PES1: variants seen among roughly 807,000 people sequenced by gnomAD.
PES1 encodes the protein pescadillo homolog.
A neutral mutation model predicts 77.1 loss-of-function variants in PES1; 31 were observed. The observed-to-expected ratio is 0.40, with a 90% CI of 0.30 to 0.54. The LOEUF (loss-of-function observed/expected upper bound fraction) is 0.54, where lower values mean the gene tolerates loss of function less well. Ranked by LOEUF, PES1 falls within the 20% of genes least tolerant of loss-of-function variation. PES1 has a pLI of 0.45. For synonymous variants in PES1, 282 were observed against 303.0 expected, an observed-to-expected ratio of 0.93 and a Z score of 0.72; for missense variants, 658 against 771.7, an observed-to-expected ratio of 0.85 and a Z score of 1.75.
At chr22:30,582,421 G>C (rs1446040380) in intron 6 of PES1, among the ~76,000 whole-genome samples, 1 of 152,146 alleles carries the variant, frequency 6.6e-6, no homozygotes, top group Non-Finnish European at 1.5e-5. Flanking sequence ...TTTTGCTCAG[G>C]GAAAAGGCAC....
chr22:30,590,098 T>C (rs2087155114), intron 1 of PES1, among the ~76,000 whole-genome samples: 1 of 152,216 alleles, frequency 6.6e-6, no homozygotes, highest in Non-Finnish European at 1.5e-5. Flanking sequence ...TCCTCTATTA[T>C]GGTCAAAGCA....
chr22:30,584,689 C>T lies in PES1; in HGVS notation c.397G>A (p.Asp133Asn). Residue 133 changes from aspartate to asparagine, a missense_variant, in exon 5 of 15, where the codon GAC becomes AAC. Asp to Asn is a conservative substitution (Grantham distance 23). Coordinates refer to ENST00000354694, the MANE Select transcript of PES1 (RefSeq NM_014303.4). ...CACATGGAGAGGGCATCGTCCAGGT[C>T]CCGCAGGGCATCGATGAACGTGGGA... is the stretch of plus-strand genomic sequence containing the variant. ...RYPTFIDALRDLDDALSMCFL... is the reference protein window; with the variant it reads ...RYPTFIDALRNLDDALSMCFL... 6.2e-7 allele frequency: 1 copy of T among 1,613,810 alleles called. No homozygotes were observed. The highest frequency in any genetic ancestry group is 8.5e-7 in the Non-Finnish European group (1 of 1,180,024).
chr22:30,584,623 C>A lies in PES1; in HGVS notation c.463G>T (p.Val155Leu), dbSNP rs142150429. Residue 155 changes from valine to leucine, a missense_variant, in exon 5 of 15, where the codon GTG (valine) becomes TTG (leucine). Val to Leu is a conservative substitution (Grantham distance 32, BLOSUM62 1). Coordinates refer to ENST00000354694, the MANE Select transcript of PES1 (RefSeq NM_014303.4). ...CGGCGGCACAGCTGAATGGTCTGCA[C>A]GTGGCACTTGCCAGTCCGCGGGAAG... ...STFPRTGKCHVQTIQLCRRLT... is the reference protein window; with the variant it reads ...STFPRTGKCHLQTIQLCRRLT... The A allele has an allele frequency of 1.2e-6, 2 of 1,613,830 alleles. No individual in the cohort carries two copies. The highest frequency in any genetic ancestry group is 2.2e-5 in the South Asian group (2 of 91,044).
intron 4 of PES1, among the ~76,000 whole-genome samples, 191 bp from the exon 5 acceptor site, chr22:30,584,908 G>A (rs1329918294): frequency 1.3e-5 from 2 of 152,112 alleles, no homozygotes; most frequent in African/African-American, 4.8e-5. Context: ...ACCAGGATGC[G>A]CCCACTAGGC....
At chr22:30,600,018 G>C (rs914014793) in intron 2 of PES1, among the ~76,000 whole-genome samples, 3 of 151,754 alleles carry the variant, frequency 2.0e-5, no homozygotes, top group Non-Finnish European at 4.4e-5. Flanking sequence ...TTAAATGCCT[G>C]GGTCATTTTC....
chr22:30,589,138 G>GT (rs2087137807), intron 2 of PES1, 53 bp downstream of exon 2: 1 of 1,382,834 alleles, frequency 7.2e-7, no homozygotes, highest in African/African-American at 1.4e-5. Context: ...ATGCAGCTGA[G>GT]TTTTCAATGT....
At chr22:30,584,084 C>T (rs1033922674) in intron 6 of PES1, 38 of 469,368 alleles carry the variant, frequency 8.1e-5, no homozygotes, top group South Asian at 7.9e-4. Context: ...AGGCCAAGCA[C>T]CAGGCACTGT....
intron 1 of PES1, among the ~76,000 whole-genome samples, chr22:30,590,094 A>AT (rs1181482372): frequency 1.3e-5 from 2 of 152,172 alleles, no homozygotes; most frequent in Non-Finnish European, 2.9e-5. Flanking sequence ...CAGGTCCTCT[A>AT]TTATGGTCAA....
Position 30,580,600 on chromosome 22 carries a change from C to T in PES1, c.1014G>A (p.Val338=). 1.2e-6 allele frequency: 2 copies of T among 1,613,836 alleles called. No homozygotes were observed. The highest frequency in any genetic ancestry group is 1.7e-6 in the Non-Finnish European group (2 of 1,180,012). The change falls in exon 10 of 15, where the codon GTG becomes GTA. Residue 338 remains valine, a synonymous_variant. Coordinates refer to ENST00000354694, the MANE Select transcript of PES1 (RefSeq NM_014303.4). ...EGLKFFLNRE[V]PREALAFIIR... ...TGATGAAGGCCAGGGCCTCACGGGGCACCTCTCGGTTCAGGAAGAACTTCA... is the reference window on the plus strand; with the variant it reads ...TGATGAAGGCCAGGGCCTCACGGGGTACCTCTCGGTTCAGGAAGAACTTCA...
intron 4 of PES1, among the ~76,000 whole-genome samples, chr22:30,584,927 C>T (rs79483185): frequency 0.024 from 3,582 of 152,268 alleles, 67 homozygotes; most frequent in Non-Finnish European, 0.035. Context: ...GCTCTGAGGA[C>T]CAGAGAAGTC....
intron 2 of PES1, among the ~76,000 whole-genome samples, chr22:30,599,201 T>C (rs1206566815): frequency 6.6e-6 from 1 of 152,146 alleles, no homozygotes; most frequent in African/African-American, 2.4e-5. Flanking sequence ...CTGGCCTGAC[T>C]CAAGTAAATC....
chr22:30,600,376 T>TA lies in PES1; in HGVS notation c.-661+5084dup, dbSNP rs2087336881. On this transcript the variant is annotated intron_variant, in intron 2 of 16. Transcript: ENST00000402281. Reference sequence around the variant, plus strand: ...GTAGCTGCTCACTGCAGAACAGTCTTATATAACATAGATAAAGAACTCTTG... The same window carrying TA: ...GTAGCTGCTCACTGCAGAACAGTCTTAATATAACATAGATAAAGAACTCTTG... Among the ~76,000 whole-genome samples, 3 of 152,108 alleles carry TA rather than the reference T, an allele frequency of 2.0e-5. No individual in the cohort carries two copies. In the South Asian group the frequency reaches 6.2e-4, roughly 32 times the overall value.
intron 2 of PES1, among the ~76,000 whole-genome samples, chr22:30,603,434 TG>T (rs1210185212): frequency 6.6e-6 from 1 of 152,032 alleles, no homozygotes; most frequent in Non-Finnish European, 1.5e-5. Context: ...CAGGCTGGAG[TG>T]CAGTGGCATG....
rs543875967 is a variant in PES1, at chr22:30,577,660, CTTT to C, written c.1684-534_1684-532del. ...TGTGCACCACCATGCGTAGCCCTTT[CTTT>C]TTTTTTTTGGGGGGTAGAGACAGGG... On this transcript the variant is annotated intron_variant, in intron 14 of 14. Transcript: ENST00000354694. 6.7e-3 allele frequency among the ~76,000 whole-genome samples: 989 copies of C among 148,468 alleles called. 10 individuals carry two copies. Among genetic ancestry groups the C allele is most frequent in the South Asian group, 0.025 (119 of 4,684 alleles).
In PES1 at chr22:30,579,118, G is replaced by C; in HGVS notation, c.1521+19C>G. The C allele has an allele frequency of 6.2e-7, 1 of 1,607,252 alleles. No individual in the cohort carries two copies. On this transcript the variant is annotated intron_variant, in intron 13 of 14. Coordinates refer to ENST00000354694, the MANE Select transcript of PES1 (RefSeq NM_014303.4). ...AGGGCTGCTTCCCAGGCCAAGCCCC[G>C]CATTGCAGCTCCCCCTACCTTCCCC... is the stretch of plus-strand genomic sequence containing the variant.
chr22:30,596,951 G>C (rs899190422), intron 2 of PES1, among the ~76,000 whole-genome samples: 1 of 152,210 alleles, frequency 6.6e-6, no homozygotes, highest in African/African-American at 2.4e-5. Flanking sequence ...GCCCGCACTC[G>C]GAGAAGCCAG....
chr22:30,589,024 C>CTTGAACCACA (rs2087136301), intron 2 of PES1, among the ~76,000 whole-genome samples, 167 bp downstream of exon 2: 1 of 152,198 alleles, frequency 6.6e-6, no homozygotes, highest in Non-Finnish European at 1.5e-5. Context: ...TCCATTTTCC[C>CTTGAACCACA]TTGGACCACA....
rs560380863 is a variant in PES1 at position 30,596,964 on chromosome 22, G to A, written c.-660-4566C>T. 9.8e-5 allele frequency among the ~76,000 whole-genome samples: 15 copies of A among 152,336 alleles called. No homozygotes were observed. The East Asian group carries it at 1.9e-3, about 20-fold the overall frequency. On this transcript the variant is annotated intron_variant, in intron 2 of 16. Transcript: ENST00000402281. Reference sequence around the variant, plus strand: ...GGGCCCGCACTCGGAGAAGCCAGCCGGCCGGCCCCGCTGGCCACGGGCAGT... The same window carrying A: ...GGGCCCGCACTCGGAGAAGCCAGCCAGCCGGCCCCGCTGGCCACGGGCAGT...
chr22:30,596,978 G>A (rs2087262907), intron 2 of PES1, among the ~76,000 whole-genome samples: 1 of 152,212 alleles, frequency 6.6e-6, no homozygotes, highest in South Asian at 2.1e-4. Flanking sequence ...GGCCCCGCTG[G>A]CCACGGGCAG....
Sources: allele counts gnomAD v4.1 joint callset (sites outside exome capture counted in the v4.1 genomes callset), GRCh38; gene constraint gnomAD v4.1.1; transcripts MANE v1.5; gene names NCBI Gene and HGNC (gene_info 2026-07-23, HGNC 2026-07-21).